KCNT2: variants seen among roughly 807,000 people sequenced by gnomAD.
The protein encoded by KCNT2 is potassium channel subfamily T member 2.
A neutral mutation model predicts 153.8 loss-of-function variants in KCNT2; 67 were observed. The ratio of observed to expected loss-of-function variants is 0.44; its 90% CI spans 0.36 to 0.53. The LOEUF is 0.53. KCNT2 is among the 20% of genes least tolerant of loss of function. The pLI, the probability that KCNT2 is intolerant of heterozygous loss-of-function variation, is 0.00. For missense variants in KCNT2, 975 were observed against 1,354.8 expected (o/e 0.72, Z 4.40); for synonymous variants, 500 against 458.8 (o/e 1.09, Z -1.15).
intron 12 of KCNT2, among the ~76,000 whole-genome samples, chr1:196,413,952 T>A (rs1470246072): frequency 6.6e-6 from 1 of 151,724 alleles, no homozygotes; most frequent in Non-Finnish European, 1.5e-5. Flanking sequence ...TATTACATTG[T>A]CATTAAGACA....
At chr1:196,240,969 AG>A (rs1472630765) in intron 26 of KCNT2, among the ~76,000 whole-genome samples, 1 of 152,012 alleles carries the variant, frequency 6.6e-6, no homozygotes, top group Non-Finnish European at 1.5e-5. Context: ...TGGTAGCAAG[AG>A]AACAATAGAA....
intron 8 of KCNT2, among the ~76,000 whole-genome samples, chr1:196,457,628 G>A (rs1676791188): frequency 6.6e-6 from 1 of 151,756 alleles, no homozygotes. Context: ...TAAGGTAAAT[G>A]TATTAAGAAC....
At chr1:196,273,469 T>A (rs1218815870) in intron 25 of KCNT2, 1 of 1,529,566 alleles carries the variant, frequency 6.5e-7, no homozygotes, top group Non-Finnish European at 8.8e-7. Flanking sequence ...AATACTTACT[T>A]GTGATGCTAT....
intron 13 of KCNT2, among the ~76,000 whole-genome samples, chr1:196,374,047 T>C (rs1668746584): frequency 6.6e-6 from 1 of 151,912 alleles, no homozygotes. Context: ...AGATATTCTA[T>C]TTTCTACAGA....
At chr1:196,549,646 T>C (rs1657624358) in intron 1 of KCNT2, among the ~76,000 whole-genome samples, 1 of 151,930 alleles carries the variant, frequency 6.6e-6, no homozygotes. Flanking sequence ...GAAATAACTC[T>C]GGGACCAGCC....
intron 8 of KCNT2, among the ~76,000 whole-genome samples, chr1:196,441,425 CT>C (rs10591749): frequency 6.7e-5 from 10 of 149,352 alleles, no homozygotes; most frequent in African/African-American, 2.4e-4. Flanking sequence ...TTAAAATCTA[CT>C]TTTTTTTTTT....
At chr1:196,310,490 A>G (rs1344247669) in intron 21 of KCNT2, among the ~76,000 whole-genome samples, 2 of 151,946 alleles carry the variant, frequency 1.3e-5, no homozygotes, top group South Asian at 2.1e-4. Flanking sequence ...CTAAACATTA[A>G]AAGTGGTTTT....
chr1:196,510,824 T>C (rs1169830383), intron 1 of KCNT2, among the ~76,000 whole-genome samples: 1 of 152,138 alleles, frequency 6.6e-6, no homozygotes, highest in Non-Finnish European at 1.5e-5. Context: ...ACACAAAGTT[T>C]GTATCAGTGT....
chr1:196,411,564 G>T (rs1321342391), intron 12 of KCNT2, among the ~76,000 whole-genome samples: 1 of 146,820 alleles, frequency 6.8e-6, no homozygotes, highest in African/African-American at 2.5e-5. Context: ...ACAATGTTTT[G>T]TAGTTTTCAG....
In KCNT2 at chr1:196,436,422, T is replaced by C. The variant is rs140297543; in HGVS notation, c.639-6665A>G. ...ACAGTTGATTGTTACCTATATGTTA[T>C]ATAAGAATTAAGGCAAAGACAGCTT... On this transcript the variant is annotated intron_variant, in intron 8 of 27. Transcript: ENST00000294725. 5.1e-3 allele frequency among the ~76,000 whole-genome samples: 776 copies of C among 151,690 alleles called. 6 individuals carry two copies. Among genetic ancestry groups the C allele is most frequent in the African/African-American group, 0.018 (745 of 41,512 alleles).
At chr1:196,404,658 A>G (rs1404053294) in intron 12 of KCNT2, among the ~76,000 whole-genome samples, 1 of 151,482 alleles carries the variant, frequency 6.6e-6, no homozygotes, top group Non-Finnish European at 1.5e-5. Context: ...ATTAGGATAG[A>G]TGATGCTACT....
intron 24 of KCNT2, 120 bp from the exon 25 acceptor site, chr1:196,281,108 G>A (rs1170054654): frequency 2.8e-6 from 2 of 725,726 alleles, no homozygotes; most frequent in Admixed American, 2.4e-5. Context: ...TGTCACCCAG[G>A]CTACAGTGCA....
At chr1:196,312,736 T>A (rs1226832008) in intron 21 of KCNT2, among the ~76,000 whole-genome samples, 1 of 151,814 alleles carries the variant, frequency 6.6e-6, no homozygotes, top group Non-Finnish European at 1.5e-5. Context: ...ATATTAATGG[T>A]GTTCTTTAAG....
At chr1:196,514,201 A>G (rs986177484) in intron 1 of KCNT2, among the ~76,000 whole-genome samples, 1 of 152,216 alleles carries the variant, frequency 6.6e-6, no homozygotes, top group Non-Finnish European at 1.5e-5. Flanking sequence ...AGATACACAT[A>G]TTAAGTACTC....
chr1:196,245,524 G>T (rs943756695), intron 26 of KCNT2, among the ~76,000 whole-genome samples: 1 of 151,974 alleles, frequency 6.6e-6, no homozygotes, highest in Non-Finnish European at 1.5e-5. Context: ...AACAAAATAA[G>T]GAATCAGCGA....
intron 21 of KCNT2, among the ~76,000 whole-genome samples, chr1:196,313,822 T>C (rs1219666933): frequency 6.6e-6 from 1 of 151,678 alleles, no homozygotes; most frequent in Non-Finnish European, 1.5e-5. Flanking sequence ...TGAAAAATTC[T>C]GCTCAAAACT....
At chr1:196,334,238 AGG>A (rs1664773205) in intron 16 of KCNT2, among the ~76,000 whole-genome samples, 178 bp from the exon 17 acceptor site, 2 of 152,100 alleles carry the variant, frequency 1.3e-5, no homozygotes, top group Admixed American at 6.6e-5. Flanking sequence ...TTTTGCACAC[AGG>A]CATTTTCCTG....
chr1:196,348,030 C>G (rs1378035305), intron 14 of KCNT2, among the ~76,000 whole-genome samples: 1 of 152,066 alleles, frequency 6.6e-6, no homozygotes, highest in Non-Finnish European at 1.5e-5. Flanking sequence ...GGTTCCGACA[C>G]AGAGGAAGAG....
At chr1:196,388,149 A>G (rs1301387629) in intron 13 of KCNT2, among the ~76,000 whole-genome samples, 1 of 151,712 alleles carries the variant, frequency 6.6e-6, no homozygotes, top group Non-Finnish European at 1.5e-5. Context: ...TATAAAGTTG[A>G]TCCTGAACTA....
Sources: allele counts gnomAD v4.1 joint callset (sites outside exome capture counted in the v4.1 genomes callset), GRCh38; gene constraint gnomAD v4.1.1; transcripts MANE v1.5; gene names NCBI Gene and HGNC (gene_info 2026-07-23, HGNC 2026-07-21).